Variants in GFRA2 observed in about 807,000 individuals in gnomAD.
GFRA2 encodes GDNF family receptor alpha 2, also known as GDNF family receptor alpha-2.
GFRA2 carries 17 observed loss-of-function variants against 48.3 expected under a neutral mutation model. The ratio of observed to expected loss-of-function variants is 0.35; its 90% CI spans 0.24 to 0.53. GFRA2 has a LOEUF of 0.53. GFRA2 is among the 20% of genes least tolerant of loss of function. GFRA2 has a pLI of 0.93. For missense variants in GFRA2, 660 were observed against 637.3 expected (o/e 1.04, Z -0.38); for synonymous variants, 305 against 257.2 (o/e 1.19, Z -1.78).
intron 1 of GFRA2, among the ~76,000 whole-genome samples, chr8:21,810,365 C>A (rs367745242): frequency 2.6e-5 from 4 of 152,200 alleles, no homozygotes; most frequent in Non-Finnish European, 4.4e-5. Context: ...GCCCACCCCC[C>A]TCACTGACCT....
In GFRA2 at chr8:21,738,337, C is replaced by A. The variant is rs369592675; in HGVS notation, c.794+12251G>T. Among the ~76,000 whole-genome samples, 6 of 151,370 alleles carry A rather than the reference C, an allele frequency of 4.0e-5. No homozygotes were observed. The East Asian group carries it at 1.2e-3, about 30-fold the overall frequency. ...CGTTCACTGTCTGCATCCAGTGAGGCCCTGGGAGCTGACCTCTGAAGGTCT... is the reference window on the plus strand; with the variant it reads ...CGTTCACTGTCTGCATCCAGTGAGGACCTGGGAGCTGACCTCTGAAGGTCT... On this transcript the variant is annotated intron_variant, in intron 4 of 8. Coordinates refer to ENST00000524240, the MANE Select transcript of GFRA2 (RefSeq NM_001495.5).
chr8:21,760,532 A>G (rs529704795), intron 3 of GFRA2, among the ~76,000 whole-genome samples: 1 of 152,328 alleles, frequency 6.6e-6, no homozygotes, highest in Non-Finnish European at 1.5e-5. Flanking sequence ...ACGAAAAAGG[A>G]AAGACTTGGA....
At chr8:21,766,542 A>T (rs1180571819) in intron 3 of GFRA2, among the ~76,000 whole-genome samples, 1 of 151,632 alleles carries the variant, frequency 6.6e-6, no homozygotes, top group African/African-American at 2.4e-5. Flanking sequence ...CAGTCGCAGG[A>T]CGCCCCAAAC....
At chr8:21,781,397 G>A (rs962451319) in intron 2 of GFRA2, among the ~76,000 whole-genome samples, 3 of 152,020 alleles carry the variant, frequency 2.0e-5, no homozygotes, top group African/African-American at 7.3e-5. Flanking sequence ...CTGTAAACAG[G>A]TTCCATTCTC....
At chr8:21,745,583 G>T (rs1444308125) in intron 4 of GFRA2, among the ~76,000 whole-genome samples, 7 of 152,234 alleles carry the variant, frequency 4.6e-5, no homozygotes, top group Non-Finnish European at 7.3e-5. Flanking sequence ...CCTGCGGTCA[G>T]AAACCTGGAG....
chr8:21,711,458 C>T (rs1276833511), intron 4 of GFRA2, among the ~76,000 whole-genome samples: 1 of 152,198 alleles, frequency 6.6e-6, no homozygotes, highest in African/African-American at 2.4e-5. Flanking sequence ...CTGGAAAACA[C>T]AAACCCTCTC....
chr8:21,759,433 A>AGAGGGAGG (rs1805767525), intron 3 of GFRA2, among the ~76,000 whole-genome samples: 2 of 78,760 alleles, frequency 2.5e-5, no homozygotes, highest in African/African-American at 5.7e-5. Context: ...AAAGAGGGAA[A>AGAGGGAGG]GAGGGAGGGA....
upstream of GFRA2, among the ~76,000 whole-genome samples, chr8:21,793,767 A>G (rs1346642664): frequency 5.3e-5 from 8 of 152,022 alleles, no homozygotes; most frequent in Admixed American, 2.0e-4. Context: ...GCGGCTCTCC[A>G]GGCCCACACA....
At chr8:21,715,209 T>C (rs1279488121) in intron 4 of GFRA2, among the ~76,000 whole-genome samples, 1 of 152,226 alleles carries the variant, frequency 6.6e-6, no homozygotes, top group African/African-American at 2.4e-5. Flanking sequence ...TCTTTAACTG[T>C]ACAGTGGATA....
intron 4 of GFRA2, among the ~76,000 whole-genome samples, chr8:21,717,275 G>A (rs184704987): frequency 2.4e-4 from 37 of 152,290 alleles, no homozygotes; most frequent in African/African-American, 8.4e-4. Flanking sequence ...TGAAAGGAAC[G>A]GATCAGACAG....
rs1197345961 is a variant in GFRA2 at position 21,691,469 on chromosome 8, T to C, written c.*1809A>G. On this transcript the variant is annotated 3_prime_UTR_variant, in exon 9 of 9. Coordinates refer to ENST00000524240, the MANE Select transcript of GFRA2 (RefSeq NM_001495.5). ...TAGAGGGAGACCCAAAAAATACTTA[T>C]GCTTTCAGACCATGACCCCAGAACA... is the stretch of plus-strand genomic sequence containing the variant. 2.6e-5 allele frequency: 4 copies of C among 152,222 alleles called. 1 individual carries two copies. The highest frequency in any genetic ancestry group is 4.1e-4 in the South Asian group (2 of 4,830). The allele number at this position is 152,222 out of a possible 1,614,324, so 9.4% of individuals were successfully genotyped here.
In GFRA2 at chr8:21,797,244, G is replaced by A. The variant is rs576701104; in HGVS notation, c.-36+7773C>T. Among the ~76,000 whole-genome samples, 861 of 151,016 alleles carry A rather than the reference G, an allele frequency of 5.7e-3. 9 individuals are homozygous for A. The highest frequency in any genetic ancestry group is 0.016 in the South Asian group (78 of 4,758). On this transcript the variant is annotated intron_variant, in intron 2 of 10. Coordinates refer to the GFRA2 transcript ENST00000517328. ...CTGCATTCTACATCACAGATAACGC[G>A]GACAATTGAGTGGCCTTTCTTTCTT...
chr8:21,787,178 AGAGGAGCTGGGAATTCTGT>A (rs1297182088), intron 1 of GFRA2, among the ~76,000 whole-genome samples: 42 of 144,232 alleles, frequency 2.9e-4, no homozygotes, highest in Non-Finnish European at 7.5e-5. Context: ...TTAAAGGGAG[AGAGGAGCTGGGAATTCTGT>A]GTGGAAAAGA....
chr8:21,726,897 C>A (rs1477818984), intron 4 of GFRA2, among the ~76,000 whole-genome samples: 1 of 151,784 alleles, frequency 6.6e-6, no homozygotes, highest in Non-Finnish European at 1.5e-5. Flanking sequence ...GGACTACAAG[C>A]GCGCACCACC....
intron 4 of GFRA2, among the ~76,000 whole-genome samples, chr8:21,748,384 T>G (rs1394252687): frequency 2.6e-5 from 4 of 151,994 alleles, no homozygotes; most frequent in African/African-American, 9.7e-5. Flanking sequence ...GCTCACCAAG[T>G]GCCAGGCTCT....
chr8:21,723,035 G>A (rs1014183301), intron 4 of GFRA2, among the ~76,000 whole-genome samples: 9 of 152,180 alleles, frequency 5.9e-5, no homozygotes, highest in Non-Finnish European at 1.0e-4. Flanking sequence ...GTTACCAACC[G>A]TCTCAAAACC....
rs369930480 is a variant in GFRA2, at chr8:21,702,837, T to A, written c.1186A>T (p.Thr396Ser). 1.2e-5 allele frequency: 19 copies of A among 1,609,268 alleles called. No homozygotes were observed. Among genetic ancestry groups the A allele is most frequent in the African/African-American group, 1.3e-5 (1 of 74,390 alleles). ...DDLSDSTSLG[T>S]SVITTCTSVQ... is the part of the protein sequence containing the mutation. ...GACGTGCAGGTGGTGATGACACTGG[T>A]CCCCAAGCTGGTACTGTCACTGAGG... The change falls in exon 7 of 9, where the codon ACC becomes TCC. Residue 396 changes from threonine to serine, a missense_variant. By Grantham distance (58) the Thr-to-Ser change is moderately conservative (BLOSUM62 1). Coordinates refer to ENST00000524240, the MANE Select transcript of GFRA2 (RefSeq NM_001495.5).
intron 4 of GFRA2, among the ~76,000 whole-genome samples, chr8:21,711,950 T>C (rs1292616111): frequency 1.3e-5 from 2 of 152,240 alleles, no homozygotes; most frequent in African/African-American, 2.4e-5. Context: ...GTAATCCATT[T>C]AACCCTGAGT....
At chr8:21,699,148 T>C (rs183746943) in intron 7 of GFRA2, among the ~76,000 whole-genome samples, 245 of 152,330 alleles carry the variant, frequency 1.6e-3, no homozygotes, top group African/African-American at 5.6e-3. Context: ...GCCTGGGATG[T>C]AGTGACGTGC....
Sources: allele counts gnomAD v4.1 joint callset (sites outside exome capture counted in the v4.1 genomes callset), GRCh38; gene constraint gnomAD v4.1.1; transcripts MANE v1.5; gene names NCBI Gene and HGNC (gene_info 2026-07-23, HGNC 2026-07-21).